GPR158: variants seen among roughly 807,000 people sequenced by gnomAD.
GPR158 encodes the protein G protein-coupled receptor 158.
A neutral mutation model predicts 78.2 loss-of-function variants in GPR158; 30 were observed. The observed-to-expected ratio is 0.38, with a 90% CI of 0.29 to 0.52. GPR158 has a LOEUF of 0.52. Among genes scored for constraint, GPR158 ranks in the 20% least tolerant of loss-of-function variants. The pLI is 0.83. For missense variants in GPR158, 1,463 were observed against 1,523.5 expected (o/e 0.96, Z 0.66); for synonymous variants, 581 against 591.1 (o/e 0.98, Z 0.25).
At chr10:25,400,828 C>G (rs992832038) in intron 3 of GPR158, among the ~76,000 whole-genome samples, 5 of 152,100 alleles carry the variant, frequency 3.3e-5, no homozygotes, top group Non-Finnish European at 5.9e-5. Flanking sequence ...ATTTCCAAAT[C>G]CAAATTTACA....
intron 4 of GPR158, among the ~76,000 whole-genome samples, chr10:25,454,697 A>T (rs1039439108): frequency 6.6e-6 from 1 of 152,216 alleles, no homozygotes; most frequent in African/African-American, 2.4e-5. Flanking sequence ...AATCCCTATG[A>T]AACCAAGATT....
chr10:25,253,238 G>A (rs549031184), intron 2 of GPR158, among the ~76,000 whole-genome samples: 125 of 152,292 alleles, frequency 8.2e-4, no homozygotes, highest in Non-Finnish European at 1.5e-3. Context: ...AGATGAACCC[G>A]GTACCTCAGA....
At chr10:25,322,337 C>T (rs1055325957) in intron 2 of GPR158, among the ~76,000 whole-genome samples, 4 of 151,348 alleles carry the variant, frequency 2.6e-5, no homozygotes, top group East Asian at 2.0e-4. Flanking sequence ...GCCGAGATGG[C>T]GCCACTGCAC....
intron 4 of GPR158, among the ~76,000 whole-genome samples, chr10:25,426,908 G>A (rs373877098): frequency 1.3e-3 from 200 of 152,170 alleles, no homozygotes; most frequent in African/African-American, 4.7e-3. Flanking sequence ...AATGATGTAT[G>A]CTAGTATGAG....
At chr10:25,331,973 A>G (rs184294717) in intron 2 of GPR158, among the ~76,000 whole-genome samples, 2 of 152,334 alleles carry the variant, frequency 1.3e-5, no homozygotes, top group South Asian at 2.1e-4. Flanking sequence ...AAAAGAATAT[A>G]TAAACAAAAA....
At chr10:25,472,570 C>T (rs989104809) in intron 5 of GPR158, among the ~76,000 whole-genome samples, 7 of 152,270 alleles carry the variant, frequency 4.6e-5, no homozygotes, top group Middle Eastern at 3.4e-3. Flanking sequence ...GCCATTTTCA[C>T]GATATTGACT....
chr10:25,459,506 A>G (rs979630247), intron 4 of GPR158, among the ~76,000 whole-genome samples: 1 of 152,210 alleles, frequency 6.6e-6, no homozygotes, highest in Non-Finnish European at 1.5e-5. Context: ...GACCAAAAAA[A>G]TAGCTGCCTT....
rs1004252375 is a variant in GPR158 at position 25,572,945 on chromosome 10, G to T, written c.1753+58G>T. 10 of 1,007,736 alleles carry T rather than the reference G, an allele frequency of 9.9e-6. No homozygotes were observed. The African/African-American group carries it at 1.4e-4, about 14-fold the overall frequency. 62.4% of individuals were successfully genotyped at this position (1,007,736 alleles called of 1,614,324 possible). A position where few individuals can be genotyped will look rare whatever the true frequency, so the allele number is the denominator to read the frequency against. ...ACCATTTTTCAGTAGCATTACAACT[G>T]ACTTCTTTAAAAGTCTTGCCAGACT... On this transcript the variant is annotated intron_variant, in intron 7 of 10. Transcript: ENST00000376351.
At chr10:25,382,392 A>G (rs1439680367) in intron 2 of GPR158, among the ~76,000 whole-genome samples, 1 of 150,830 alleles carries the variant, frequency 6.6e-6, no homozygotes, top group Non-Finnish European at 1.5e-5. Context: ...TCCATCGAAC[A>G]TAAGAACATT....
chr10:25,233,707 G>A (rs1853484837), intron 2 of GPR158, among the ~76,000 whole-genome samples: 1 of 152,192 alleles, frequency 6.6e-6, no homozygotes, highest in Admixed American at 6.5e-5. Flanking sequence ...AGTCTATGAA[G>A]TTAAAAGTAT....
chr10:25,414,762 C>T (rs1411990956), intron 4 of GPR158, among the ~76,000 whole-genome samples: 1 of 152,084 alleles, frequency 6.6e-6, no homozygotes, highest in African/African-American at 2.4e-5. Context: ...TTTCCTATTA[C>T]ATTCTCTACT....
At chr10:25,508,005 A>G (rs958891673) in intron 5 of GPR158, among the ~76,000 whole-genome samples, 5 of 152,244 alleles carry the variant, frequency 3.3e-5, no homozygotes, top group Non-Finnish European at 7.3e-5. Flanking sequence ...TAAGGTAACA[A>G]AAAAGGCGGG....
chr10:25,252,334 C>T (rs1381028042), intron 2 of GPR158, among the ~76,000 whole-genome samples: 3 of 152,306 alleles, frequency 2.0e-5, no homozygotes, highest in South Asian at 2.1e-4. Flanking sequence ...ATTCTCCATC[C>T]AGCTTTGTTC....
chr10:25,573,125 CAG>C (rs1837035047), intron 7 of GPR158, among the ~76,000 whole-genome samples: 2 of 152,178 alleles, frequency 1.3e-5, no homozygotes, highest in Non-Finnish European at 2.9e-5. Context: ...TCAAATAAAT[CAG>C]AAAGGAGAAA....
chr10:25,267,072 A>T (rs758098767), intron 2 of GPR158, among the ~76,000 whole-genome samples: 1 of 152,054 alleles, frequency 6.6e-6, no homozygotes, highest in African/African-American at 2.4e-5. Flanking sequence ...TTTAAATTTC[A>T]ATCAAATATA....
chr10:25,303,470 A>G (rs1219892125), intron 2 of GPR158, among the ~76,000 whole-genome samples: 1 of 152,246 alleles, frequency 6.6e-6, no homozygotes, highest in Non-Finnish European at 1.5e-5. Context: ...GAATGTGATT[A>G]TCGAATTTGT....
intron 4 of GPR158, among the ~76,000 whole-genome samples, chr10:25,449,959 G>A (rs957983634): frequency 1.3e-5 from 2 of 151,000 alleles, no homozygotes; most frequent in African/African-American, 2.4e-5. Flanking sequence ...ATGAAATAGA[G>A]CTAAGTAAAC....
intron 5 of GPR158, among the ~76,000 whole-genome samples, chr10:25,549,481 T>C (rs1472414878): frequency 9.2e-5 from 14 of 152,126 alleles, no homozygotes; most frequent in Non-Finnish European, 1.9e-4. Context: ...TTCCTGAATC[T>C]AGACATTTTT....
chr10:25,468,395 T>C (rs1434457470), intron 5 of GPR158, among the ~76,000 whole-genome samples: 2 of 152,216 alleles, frequency 1.3e-5, no homozygotes, highest in Non-Finnish European at 2.9e-5. Flanking sequence ...TTACCTAACA[T>C]TCCTAAACCT....
Sources: allele counts gnomAD v4.1 joint callset (sites outside exome capture counted in the v4.1 genomes callset), GRCh38; gene constraint gnomAD v4.1.1; transcripts MANE v1.5; gene names NCBI Gene and HGNC (gene_info 2026-07-23, HGNC 2026-07-21).